The following SYNE2 variants were observed in gnomAD, a reference collection of about 807,000 sequenced individuals.
SYNE2 encodes the protein nesprin-2.
Under a neutral mutation model 856.3 loss-of-function variants are expected in SYNE2, and 431 were observed. The ratio of observed to expected loss-of-function variants is 0.50; its 90% CI spans 0.47 to 0.55. SYNE2 has a LOEUF of 0.55. SYNE2 is among the 20% of genes least tolerant of loss of function. SYNE2 has a pLI of 0.00. For synonymous variants in SYNE2, 2,923 were observed against 2,872.3 expected (o/e 1.02, Z -0.56); for missense variants, 8,129 against 8,023.2 (o/e 1.01, Z -0.50).
chr14:64,091,817 G>A (rs1246694753), intron 60 of SYNE2, among the ~76,000 whole-genome samples: 1 of 152,160 alleles, frequency 6.6e-6, no homozygotes, highest in Non-Finnish European at 1.5e-5. Context: ...TCAACCTCCT[G>A]CATGCTGCCT....
intron 1 of SYNE2, among the ~76,000 whole-genome samples, chr14:63,899,875 A>G (rs2095312430): frequency 6.6e-6 from 1 of 152,230 alleles, no homozygotes; most frequent in African/African-American, 2.4e-5. Context: ...GATAATCCCT[A>G]TAAATGTATT....
At chr14:64,005,790 T>G (rs548653159) in intron 30 of SYNE2, among the ~76,000 whole-genome samples, 2 of 152,310 alleles carry the variant, frequency 1.3e-5, no homozygotes, top group Admixed American at 1.3e-4. Flanking sequence ...ACAAGGCTGT[T>G]TAAAGCTATG....
At chr14:63,937,151 C>T (rs2095844072) in intron 2 of SYNE2, among the ~76,000 whole-genome samples, 1 of 152,116 alleles carries the variant, frequency 6.6e-6, no homozygotes, top group South Asian at 2.1e-4. Flanking sequence ...TGATGAGAAG[C>T]TGTTTCAGTC....
In SYNE2 at chr14:63,980,700, T is replaced by C. The variant is rs755376307; in HGVS notation, c.1616T>C (p.Phe539Ser). The change falls in exon 15 of 116, where the codon TTT becomes TCT. Residue 539 changes from phenylalanine (F) to serine (S), a missense_variant. Physicochemically the swap from Phe to Ser is radical, Grantham distance 155. Around this residue, in one of 3 missense-constraint regions of SYNE2, gnomAD observed 2,422 missense variants for 2,357.4 expected, o/e 1.03. Coordinates refer to ENST00000555002, the MANE Select transcript of SYNE2 (RefSeq NM_182914.3). ...TTCCTAGCTCGACTTGATACTTCTT[T>C]TCAAAAATGTGGAGAAATTTATAAG... ...KEFLARLDTS[F>S]QKCGEIYKNL... The C allele has an allele frequency of 6.2e-7, 1 of 1,607,350 alleles. No individual in the cohort carries two copies. The highest frequency in any genetic ancestry group is 1.3e-5 in the African/African-American group (1 of 74,890).
chr14:63,857,578 C>G (rs774067293), intron 1 of SYNE2, among the ~76,000 whole-genome samples: 7 of 151,962 alleles, frequency 4.6e-5, no homozygotes, highest in Non-Finnish European at 1.0e-4. Context: ...ATAATATAAC[C>G]AAAATAGTCT....
At chr14:64,084,278 T>TACA (rs1459078526) in intron 57 of SYNE2, 1 of 152,204 alleles carries the variant, frequency 6.6e-6, no homozygotes, top group Non-Finnish European at 1.5e-5. Context: ...AAAATATTAA[T>TACA]ACACCTATTT....
At chr14:64,027,883 ATTTTG>A in intron 43 of SYNE2, 90 bp downstream of exon 43, 7 of 1,076,724 alleles carry the variant, frequency 6.5e-6, no homozygotes, top group East Asian at 2.6e-5. Flanking sequence ...GTTGTTGTTC[ATTTTG>A]TTTTGTTTTA....
intron 65 of SYNE2, 111 bp from the exon 66 acceptor site, chr14:64,113,230 C>T: frequency 6.3e-7 from 1 of 1,581,316 alleles, no homozygotes; most frequent in Non-Finnish European, 8.6e-7. Context: ...CTTCCTTCTT[C>T]TGTCCTGATT....
At chr14:63,917,491 A>G (rs1211367047) in intron 2 of SYNE2, among the ~76,000 whole-genome samples, 1 of 151,928 alleles carries the variant, frequency 6.6e-6, no homozygotes, top group Non-Finnish European at 1.5e-5. Flanking sequence ...TTTTTTTGAG[A>G]CGGAATTTCA....
At chr14:63,875,177 A>T (rs970455054) in intron 1 of SYNE2, among the ~76,000 whole-genome samples, 1 of 152,140 alleles carries the variant, frequency 6.6e-6, no homozygotes, top group Non-Finnish European at 1.5e-5. Context: ...CCTCCCAAGT[A>T]TCTGGGACTA....
chr14:63,809,602 C>A (rs1285309157), intron 1 of SYNE2, among the ~76,000 whole-genome samples: 1 of 152,158 alleles, frequency 6.6e-6, no homozygotes, highest in African/African-American at 2.4e-5. Context: ...CAGGCTCCAG[C>A]GATGCTCCTG....
In SYNE2 at chr14:64,053,603, A is replaced by G. The variant is rs2097244294; in HGVS notation, c.9690A>G (p.Leu3230=). ...SSEASDVETK[L]REFEDLQMQL... is the part of the protein sequence containing the mutation. The stretch of plus-strand genomic sequence containing the variant: ...AAGCGAGTGATGTGGAGACAAAACT[A>G]CGTGAGTTTGAAGATCTTCAGATGC... The change falls in exon 48 of 116, where the codon CTA becomes CTG. Residue 3230 remains leucine (L), a synonymous_variant. Coordinates refer to ENST00000555002, the MANE Select transcript of SYNE2 (RefSeq NM_182914.3). The G allele has an allele frequency of 2.5e-6, 4 of 1,613,332 alleles. No individual in the cohort carries two copies. The highest frequency in any genetic ancestry group is 1.3e-5 in the African/African-American group (1 of 75,044).
intron 85 of SYNE2, among the ~76,000 whole-genome samples, chr14:64,155,644 A>G (rs2098279979): frequency 6.6e-6 from 1 of 151,846 alleles, no homozygotes; most frequent in African/African-American, 2.4e-5. Flanking sequence ...GAGTCAATGT[A>G]GGCCTGGCCC....
intron 14 of SYNE2, 93 bp from the exon 15 acceptor site, chr14:63,980,561 G>T (rs916509220): frequency 3.4e-5 from 28 of 824,896 alleles, no homozygotes; most frequent in Non-Finnish European, 5.5e-5. Flanking sequence ...TGGTAACTCT[G>T]TCCTTCGTTG....
intron 66 of SYNE2, among the ~76,000 whole-genome samples, chr14:64,116,430 T>G (rs2097854382): frequency 6.6e-6 from 1 of 151,958 alleles, no homozygotes; most frequent in South Asian, 2.1e-4. Flanking sequence ...TACCATTACT[T>G]TTTTTTTGAG....
At chr14:64,053,899 GCGCAAGTTGTAATGAGT>G (rs2097248351) in intron 48 of SYNE2, among the ~76,000 whole-genome samples, 1 of 152,168 alleles carries the variant, frequency 6.6e-6, no homozygotes, top group Non-Finnish European at 1.5e-5. Flanking sequence ...AACCAGGGTG[GCGCAAGTTGTAATGAGT>G]CAACATCCCG....
chr14:63,818,039 A>AAAAAAAAC (rs1566587119), intron 1 of SYNE2, among the ~76,000 whole-genome samples: 4 of 147,212 alleles, frequency 2.7e-5, no homozygotes, highest in African/African-American at 5.1e-5. Flanking sequence ...AAAAAAAAAA[A>AAAAAAAAC]AAAAAAACAA....
intron 6 of SYNE2, among the ~76,000 whole-genome samples, chr14:63,946,990 C>A (rs1214759673): frequency 6.6e-6 from 1 of 152,074 alleles, no homozygotes; most frequent in Non-Finnish European, 1.5e-5. Context: ...TCTGGGGCTA[C>A]AGGTGTACAC....
At chr14:64,007,429 C>T (rs750156264) in intron 31 of SYNE2, among the ~76,000 whole-genome samples, 5 of 152,188 alleles carry the variant, frequency 3.3e-5, no homozygotes, top group South Asian at 2.1e-4. Context: ...AGGTTCTCCA[C>T]GAAGCATAAC....
Sources: allele counts gnomAD v4.1 joint callset (sites outside exome capture counted in the v4.1 genomes callset), GRCh38; gene constraint gnomAD v4.1.1; regional missense constraint gnomAD v4.1.1; transcripts MANE v1.5; gene names NCBI Gene and HGNC (gene_info 2026-07-23, HGNC 2026-07-21).